The following PIAS1 variants were observed in gnomAD, a reference collection of about 807,000 sequenced individuals.
The protein encoded by PIAS1 is E3 SUMO-protein ligase PIAS1.
A neutral mutation model predicts 71.3 loss-of-function variants in PIAS1; 6 were observed. The observed-to-expected ratio is 0.08, with a 90% CI of 0.05 to 0.17. The LOEUF (loss-of-function observed/expected upper bound fraction) is 0.17. Among genes scored for constraint, PIAS1 ranks in the 10% least tolerant of loss-of-function variants. The pLI, the probability that PIAS1 is intolerant of heterozygous loss-of-function variation, is 1.00. For missense variants in PIAS1, 555 were observed against 793.6 expected, an observed-to-expected ratio of 0.70 and a Z score of 3.61; for synonymous variants, 303 against 292.9, an observed-to-expected ratio of 1.03 and a Z score of -0.35.
At chr15:68,123,865 A>T (rs2092630348) in intron 2 of PIAS1, among the ~76,000 whole-genome samples, 1 of 152,194 alleles carries the variant, frequency 6.6e-6, no homozygotes, top group African/African-American at 2.4e-5. Flanking sequence ...TGTAAATGAT[A>T]ATGTTGATCT....
At chr15:68,145,441 A>T (rs936220882) in intron 4 of PIAS1, among the ~76,000 whole-genome samples, 3 of 152,188 alleles carry the variant, frequency 2.0e-5, no homozygotes, top group Non-Finnish European at 4.4e-5. Context: ...AAAGTTCTGT[A>T]TTAAGGAAGC....
chr15:68,119,162 G>A lies in PIAS1; in HGVS notation c.470-22784G>A, dbSNP rs1358922113. On this transcript the variant is annotated intron_variant, in intron 2 of 13. Transcript: ENST00000249636. Reference sequence around the variant, plus strand: ...CACCTGTAATCCCAGCATTTCGGGAGGCCGAGGTGGGTGGATCACTTGAGG... The same window carrying A: ...CACCTGTAATCCCAGCATTTCGGGAAGCCGAGGTGGGTGGATCACTTGAGG... Among the ~76,000 whole-genome samples the A allele has an allele frequency of 2.0e-5, 3 of 147,924 alleles. No homozygotes were observed. In the East Asian group the frequency reaches 5.9e-4, roughly 29 times the overall value.
intron 1 of PIAS1, among the ~76,000 whole-genome samples, chr15:68,074,851 TC>T (rs1285279381): frequency 4.0e-5 from 6 of 151,806 alleles, no homozygotes; most frequent in African/African-American, 1.5e-4. Flanking sequence ...TTTTTTTTTT[TC>T]TTTTTGCTTT....
intron 1 of PIAS1, among the ~76,000 whole-genome samples, chr15:68,068,825 G>C (rs1332015554): frequency 6.6e-6 from 1 of 151,164 alleles, no homozygotes; most frequent in Non-Finnish European, 1.5e-5. Context: ...AATCGTCAGA[G>C]TTATGAGAAA....
intron 2 of PIAS1, among the ~76,000 whole-genome samples, chr15:68,100,158 G>C (rs775396984): frequency 1.3e-5 from 2 of 150,978 alleles, no homozygotes; most frequent in Non-Finnish European, 2.9e-5. Context: ...AGGAAGTTGA[G>C]AAATGTATAG....
chr15:68,127,512 G>A (rs1178539831), intron 2 of PIAS1, among the ~76,000 whole-genome samples: 4 of 152,116 alleles, frequency 2.6e-5, no homozygotes, highest in Non-Finnish European at 4.4e-5. Context: ...TTGAGGATGC[G>A]TTTTTCTTTG....
intron 2 of PIAS1, among the ~76,000 whole-genome samples, chr15:68,120,311 T>C (rs2092602887): frequency 6.6e-6 from 1 of 152,214 alleles, no homozygotes. Context: ...TTATTTAGAC[T>C]ATTTACATTT....
intron 1 of PIAS1, among the ~76,000 whole-genome samples, chr15:68,065,588 GA>G (rs572054813): frequency 1.9e-3 from 221 of 117,576 alleles, no homozygotes; most frequent in South Asian, 5.2e-3. Context: ...CCTGTCTCGA[GA>G]AAAAAAAAAA....
chr15:68,075,015 T>TGAATTTTTATGTACATTAATG (rs1349670490), intron 1 of PIAS1, among the ~76,000 whole-genome samples: 1 of 151,264 alleles, frequency 6.6e-6, no homozygotes, highest in Non-Finnish European at 1.5e-5. Flanking sequence ...ACCTTGAAAA[T>TGAATTTTTATGTACATTAATG]GAATTTTTAT....
chr15:68,149,151 A>C (rs1012772941), intron 6 of PIAS1, among the ~76,000 whole-genome samples: 1 of 151,996 alleles, frequency 6.6e-6, no homozygotes. Context: ...GAAAATTATG[A>C]ATTTACTTTT....
rs1307822664 is a variant in PIAS1, at chr15:68,188,624, G to A, written c.*789G>A. Reference sequence around the variant, plus strand: ...TTCTCTTATTTGCTCTGTACCCCCTGAGAATATGTTTTAGAGATATTGGAA... The same window carrying A: ...TTCTCTTATTTGCTCTGTACCCCCTAAGAATATGTTTTAGAGATATTGGAA... On this transcript the variant is annotated 3_prime_UTR_variant, in exon 14 of 14. Coordinates refer to ENST00000249636, the MANE Select transcript of PIAS1 (RefSeq NM_016166.3). 6.6e-6 allele frequency: 1 copy of A among 152,180 alleles called. No homozygotes were observed. The highest frequency in any genetic ancestry group is 1.5e-5 in the Non-Finnish European group (1 of 68,034). The allele number at this position is 152,180 out of a possible 1,614,324, so 9.4% of individuals were successfully genotyped here.
At chr15:68,109,841 A>C (rs1439636123) in intron 2 of PIAS1, among the ~76,000 whole-genome samples, 1 of 152,224 alleles carries the variant, frequency 6.6e-6, no homozygotes, top group African/African-American at 2.4e-5. Context: ...GCTACTGAAT[A>C]AGCACACAAG....
chr15:68,149,590 T>A (rs1326775990), intron 6 of PIAS1, among the ~76,000 whole-genome samples: 2 of 152,088 alleles, frequency 1.3e-5, no homozygotes, highest in African/African-American at 4.8e-5. Flanking sequence ...TTTTGCTAAT[T>A]CCCATGTTGG....
At chr15:68,083,715 G>A (rs894043854) in intron 1 of PIAS1, among the ~76,000 whole-genome samples, 2 of 151,234 alleles carry the variant, frequency 1.3e-5, no homozygotes, top group African/African-American at 4.9e-5. Context: ...CACCTGAAAA[G>A]TGAGAACAGT....
At chr15:68,163,405 A>G (rs77767482) in intron 7 of PIAS1, among the ~76,000 whole-genome samples, 10 of 152,152 alleles carry the variant, frequency 6.6e-5, no homozygotes, top group African/African-American at 2.2e-4. Flanking sequence ...GAAAATTTGG[A>G]ATTTCCAGGC....
Position 68,155,449 on chromosome 15 carries a change from TAAAA to T in PIAS1, c.934+1774_934+1777del, listed in dbSNP as rs71937461. The stretch of plus-strand genomic sequence containing the variant: ...TCTACCTTTACCTGTATGCTGCCTG[TAAAA>T]AAAAAAAAAAAAAAAAAAACCAAAA... On this transcript the variant is annotated intron_variant, in intron 7 of 13. Transcript: ENST00000249636. Among the ~76,000 whole-genome samples, 49 of 103,336 alleles carry T rather than the reference TAAAA, an allele frequency of 4.7e-4. No individual in the cohort carries two copies. The East Asian group carries it at 0.015, about 33-fold the overall frequency. The allele number at this position is 103,336 out of a possible 152,430, so 67.8% of individuals were successfully genotyped here. A position where few individuals can be genotyped will look rare whatever the true frequency, so the allele number is the denominator to read the frequency against.
At chr15:68,143,833 G>A (rs2092788903) in intron 4 of PIAS1, among the ~76,000 whole-genome samples, 1 of 152,052 alleles carries the variant, frequency 6.6e-6, no homozygotes, top group South Asian at 2.1e-4. Context: ...CTGAACCAAA[G>A]TGGGGCTTCT....
intron 8 of PIAS1, among the ~76,000 whole-genome samples, chr15:68,169,758 G>A (rs1406439508): frequency 6.6e-6 from 1 of 152,102 alleles, no homozygotes; most frequent in Non-Finnish European, 1.5e-5. Flanking sequence ...AAGCAAATAT[G>A]TTTCTGTACT....
At chr15:68,057,930 A>G (rs868072661) in intron 1 of PIAS1, among the ~76,000 whole-genome samples, 1 of 152,124 alleles carries the variant, frequency 6.6e-6, no homozygotes, top group African/African-American at 2.4e-5. Context: ...TTTTTCTTCA[A>G]AGAGTTTCTT....
Sources: allele counts gnomAD v4.1 joint callset (sites outside exome capture counted in the v4.1 genomes callset), GRCh38; gene constraint gnomAD v4.1.1; transcripts MANE v1.5; gene names NCBI Gene and HGNC (gene_info 2026-07-23, HGNC 2026-07-21).